ZNF91: variants seen among roughly 807,000 people sequenced by gnomAD.
ZNF91 encodes the protein zinc finger protein 91.
ZNF91 carries 7 observed loss-of-function variants against 12.6 expected under a neutral mutation model. The ratio of observed to expected loss-of-function variants is 0.55; its 90% CI spans 0.31 to 1.04. ZNF91 has a LOEUF of 1.04. Ranked by LOEUF, ZNF91 falls within the 50% of genes least tolerant of loss-of-function variation. The probability of loss-of-function intolerance (pLI) is 0.05; values close to 1 mark genes in which losing one functional copy is unlikely to be tolerated. For missense variants in ZNF91, 1,217 were observed against 1,385.4 expected, an observed-to-expected ratio of 0.88 and a Z score of 1.93; for synonymous variants, 453 against 462.6, an observed-to-expected ratio of 0.98 and a Z score of 0.27.
At chr19:23,343,015 A>G (rs1968155124) in intron 3 of ZNF91, among the ~76,000 whole-genome samples, 1 of 152,258 alleles carries the variant, frequency 6.6e-6, no homozygotes, top group Admixed American at 6.5e-5. Flanking sequence ...TGTTAAATAG[A>G]GAAAGATTCT....
chr19:23,343,687 G>C (rs1968166509), intron 3 of ZNF91, among the ~76,000 whole-genome samples: 1 of 152,228 alleles, frequency 6.6e-6, no homozygotes, highest in Non-Finnish European at 1.5e-5. Flanking sequence ...GGGGAAGAGA[G>C]AGAGTAAAGC....
Position 23,360,664 on chromosome 19 carries a change from C to G in ZNF91, c.2315G>C (p.Cys772Ser). The G allele has an allele frequency of 6.2e-7, 1 of 1,613,832 alleles. No individual in the cohort carries two copies. ...RIHTREKPFKCKECGKAFIWS... is the reference protein window; with the variant it reads ...RIHTREKPFKSKECGKAFIWS... ...TATAAATGCTTTGCCACATTCTTTACATTTGAAGGGTTTCTCTCTAGTATG... is the reference window on the plus strand; with the variant it reads ...TATAAATGCTTTGCCACATTCTTTAGATTTGAAGGGTTTCTCTCTAGTATG... The change falls in exon 4 of 4, where the codon TGT becomes TCT. Residue 772 changes from cysteine (C) to serine (S), a missense_variant. By Grantham distance (112) the Cys-to-Ser change is moderately radical. This residue lies in a region of ZNF91 where 726 missense variants were observed against 895.5 expected (regional missense o/e 0.81). Transcript: ENST00000300619.
At chr19:23,352,130 C>CTTA (rs1968381406) in intron 3 of ZNF91, among the ~76,000 whole-genome samples, 4 of 152,146 alleles carry the variant, frequency 2.6e-5, no homozygotes, top group Non-Finnish European at 5.9e-5. Context: ...AGCTGGGAGG[C>CTTA]AGGAAGCCTT....
chr19:23,320,585 AACTC>A lies in ZNF91; in HGVS notation n.117-11492_117-11489del, dbSNP rs538641234. On this transcript the variant is annotated intron_variant and non_coding_transcript_variant, in intron 1 of 1. Coordinates refer to the ZNF91 transcript ENST00000596528. ...CTTATAAAACCATCAGATCTCTGAGAACTCACTCACTATCACAAAAACAGTATGG... is the reference window on the plus strand; with the variant it reads ...CTTATAAAACCATCAGATCTCTGAGAACTCACTATCACAAAAACAGTATGG... Among the ~76,000 whole-genome samples the A allele has an allele frequency of 9.2e-4, 140 of 152,342 alleles. 1 individual carries two copies. In the Middle Eastern group the frequency reaches 0.014, roughly 15 times the overall value.
At chr19:23,314,236 C>A (rs528937153), upstream of ZNF91, among the ~76,000 whole-genome samples, 80 of 152,298 alleles carry the variant, frequency 5.3e-4, no homozygotes, top group Middle Eastern at 6.8e-3. Context: ...TGACATATTT[C>A]TGGACCCATT....
intron 3 of ZNF91, among the ~76,000 whole-genome samples, chr19:23,368,802 GAAC>G (rs1041395305): frequency 2.7e-5 from 4 of 150,834 alleles, no homozygotes; most frequent in African/African-American, 9.7e-5. Flanking sequence ...TTTTAAAACG[GAAC>G]AATAAAGTTA....
intron 1 of ZNF91, chr19:23,327,572 A>G (rs922687473): frequency 1.3e-5 from 2 of 152,222 alleles, no homozygotes; most frequent in African/African-American, 2.4e-5. Flanking sequence ...ATGTCTTTTA[A>G]TAAGTGCTTA....
chr19:23,381,508 C>T (rs910607803), intron 1 of ZNF91, among the ~76,000 whole-genome samples: 4 of 146,460 alleles, frequency 2.7e-5, no homozygotes. Flanking sequence ...ATTGCCCAGG[C>T]TGGAGTGCAA....
Position 23,345,303 on chromosome 19 carries a change from TA to T in ZNF91, c.254-6250del, listed in dbSNP as rs367746444. 2.0e-3 allele frequency among the ~76,000 whole-genome samples: 310 copies of T among 152,242 alleles called. 2 individuals are homozygous for T. Among genetic ancestry groups the T allele is most frequent in the African/African-American group, 7.0e-3 (290 of 41,540 alleles). ...AAGGACATCCTTCTAGGCTGCCTCA[TA>T]AAAAAACCTACAAACCTCAGGCCTC... is the stretch of plus-strand genomic sequence containing the variant. On this transcript the variant is annotated intron_variant, in intron 3 of 3. Transcript: ENST00000599743.
chr19:23,350,269 G>A (rs1174525963), intron 3 of ZNF91, among the ~76,000 whole-genome samples: 7 of 152,160 alleles, frequency 4.6e-5, no homozygotes, highest in African/African-American at 1.4e-4. Context: ...CCTGGAAGGG[G>A]TGGGGCCCAA....
At chr19:23,372,078 T>G (rs1218462588) in intron 3 of ZNF91, among the ~76,000 whole-genome samples, 1 of 152,192 alleles carries the variant, frequency 6.6e-6, no homozygotes, top group Non-Finnish European at 1.5e-5. Flanking sequence ...TAATTCCTAT[T>G]TGCCTGCCTG....
chr19:23,390,833 C>T (rs1192967436), intron 1 of ZNF91, among the ~76,000 whole-genome samples: 1 of 152,220 alleles, frequency 6.6e-6, no homozygotes, highest in East Asian at 1.9e-4. Context: ...CTGCCTTGGC[C>T]TCTCAAAGTG....
At chr19:23,387,296 T>C (rs1314825180) in intron 1 of ZNF91, among the ~76,000 whole-genome samples, 1 of 152,246 alleles carries the variant, frequency 6.6e-6, no homozygotes, top group African/African-American at 2.4e-5. Flanking sequence ...ACTGGGTATA[T>C]ACCCAAAGAA....
At chr19:23,306,186 A>G (rs1268265486) in intron 3 of ZNF91, among the ~76,000 whole-genome samples, 3 of 152,264 alleles carry the variant, frequency 2.0e-5, no homozygotes, top group Non-Finnish European at 4.4e-5. Flanking sequence ...CACATGGATC[A>G]AGTCAATTGT....
chr19:23,348,929 G>T (rs1370260530), intron 3 of ZNF91, among the ~76,000 whole-genome samples: 2 of 152,122 alleles, frequency 1.3e-5, no homozygotes, highest in Non-Finnish European at 2.9e-5. Context: ...TGTTCTGGGA[G>T]TGTCTGTCTT....
At chr19:23,314,881 T>C (rs4932852), upstream of ZNF91, among the ~76,000 whole-genome samples, 19,536 of 152,214 alleles carry the variant, frequency 0.13, 2,029 homozygotes, top group East Asian at 0.43. Context: ...GGGCTCTGCA[T>C]ATATTCTGTA....
At position 23,389,402 on chromosome 19, in the gene ZNF91, C is replaced by CAA. The variant is rs34173990; in HGVS notation, c.30+5921_30+5922dup. ...TGGAGATACTTCTGTAAGTTTTTGG[C>CAA]AAAAAAAAAAAAAAAACACTAGGAT... On this transcript the variant is annotated intron_variant, in intron 1 of 3. Coordinates refer to ENST00000300619, the MANE Select transcript of ZNF91 (RefSeq NM_003430.4). 5.0e-3 allele frequency among the ~76,000 whole-genome samples: 563 copies of CAA among 111,852 alleles called. 2 individuals are homozygous for CAA. Among genetic ancestry groups the CAA allele is most frequent in the Middle Eastern group, 0.015 (3 of 194 alleles). The allele number at this position is 111,852 out of a possible 152,430, so 73.4% of individuals were successfully genotyped here. A position where few individuals can be genotyped will look rare whatever the true frequency, so the allele number is the denominator to read the frequency against.
At chr19:23,311,745 C>T (rs1333789284), upstream of ZNF91, among the ~76,000 whole-genome samples, 4 of 152,158 alleles carry the variant, frequency 2.6e-5, no homozygotes, top group African/African-American at 7.2e-5. Flanking sequence ...TCTTTTCCTG[C>T]CTGGCCCCCA....
intron 3 of ZNF91, among the ~76,000 whole-genome samples, chr19:23,345,946 G>T (rs1946126993): frequency 6.6e-6 from 1 of 151,754 alleles, no homozygotes; most frequent in Non-Finnish European, 1.5e-5. Flanking sequence ...CCCCTCCCCT[G>T]TTCAAACCCT....
Sources: gnomAD v4.1 joint callset for allele counts (sites outside exome capture counted in the v4.1 genomes callset) on GRCh38, gnomAD v4.1.1 for gene constraint, gnomAD v4.1.1 regional missense constraint, MANE v1.5 for transcripts, NCBI Gene and HGNC (gene_info 2026-07-23, HGNC 2026-07-21) for gene names.